Variants in RYK observed in about 807,000 individuals in gnomAD.
The protein encoded by RYK is receptor like tyrosine kinase, also known as inactive tyrosine-protein kinase RYK.
RYK carries 21 observed loss-of-function variants against 70.2 expected under a neutral mutation model. The ratio of observed to expected loss-of-function variants is 0.30; its 90% confidence interval spans 0.21 to 0.43. RYK has a LOEUF of 0.43. Ranked by LOEUF, RYK falls within the 20% of genes least tolerant of loss-of-function variation. RYK has a pLI of 1.00. For synonymous variants in RYK, 267 were observed against 278.0 expected, an observed-to-expected ratio of 0.96 and a Z score of 0.39; for missense variants, 604 against 753.3, an observed-to-expected ratio of 0.80 and a Z score of 2.32.
chr3:134,197,320 A>G (rs569658617), intron 6 of RYK, among the ~76,000 whole-genome samples: 3 of 152,340 alleles, frequency 2.0e-5, no homozygotes, highest in Admixed American at 6.5e-5. Context: ...CAGAACTGCC[A>G]GTATCATCGA....
chr3:134,178,069 G>C lies in RYK; in HGVS notation c.1177C>G (p.Leu393Val), dbSNP rs765210207. 6.4e-7 allele frequency: 1 copy of C among 1,560,440 alleles called. No individual in the cohort carries two copies. Among genetic ancestry groups the C allele is most frequent in the Non-Finnish European group, 8.7e-7 (1 of 1,154,644 alleles). ...CKLRGLHHRN[L>V]LPITHVCIEE... ...ATACACACATGAGTAATAGGAAGAA[G>C]ATTTCTATAAAATAATAAAAAATTG... The change falls in exon 11 of 15, where the codon CTT becomes GTT. Residue 393 changes from leucine to valine, a missense_variant. Leu to Val is a conservative substitution (Grantham distance 32). Around this residue, in one of 2 missense-constraint regions of RYK, gnomAD observed 466 missense variants for 535.9 expected, o/e 0.87. Coordinates refer to ENST00000623711, the MANE Select transcript of RYK (RefSeq NM_002958.4).
chr3:134,245,188 G>A (rs1326422282), intron 1 of RYK, among the ~76,000 whole-genome samples: 2 of 152,124 alleles, frequency 1.3e-5, no homozygotes, highest in African/African-American at 2.4e-5. Context: ...ACAAAAGACA[G>A]CACTTTTAAA....
chr3:134,228,072 T>C (rs2014957377), intron 1 of RYK, among the ~76,000 whole-genome samples: 1 of 152,216 alleles, frequency 6.6e-6, no homozygotes, highest in Non-Finnish European at 1.5e-5. Flanking sequence ...GAGGATCACT[T>C]AGGCCCAGAA....
intron 13 of RYK, among the ~76,000 whole-genome samples, chr3:134,165,895 G>A (rs528991397): frequency 6.6e-6 from 1 of 152,294 alleles, no homozygotes; most frequent in South Asian, 2.1e-4. Flanking sequence ...GAGCTAGAGA[G>A]GAATTTGCCT....
At chr3:134,212,131 A>G (rs553177465) in intron 2 of RYK, among the ~76,000 whole-genome samples, 1 of 152,268 alleles carries the variant, frequency 6.6e-6, no homozygotes, top group South Asian at 2.1e-4. Context: ...TGCTCTCACC[A>G]AAAAGAAAGT....
At chr3:134,230,682 G>A (rs1408435992) in intron 1 of RYK, among the ~76,000 whole-genome samples, 1 of 152,206 alleles carries the variant, frequency 6.6e-6, no homozygotes, top group Non-Finnish European at 1.5e-5. Context: ...GGAAACTGTT[G>A]AATTTATTAC....
At chr3:134,223,629 CAG>C (rs1035230031) in intron 1 of RYK, among the ~76,000 whole-genome samples, 13 of 150,336 alleles carry the variant, frequency 8.6e-5, no homozygotes, top group African/African-American at 2.9e-4. Flanking sequence ...AAAAATCACA[CAG>C]AGGATTTCTC....
intron 5 of RYK, among the ~76,000 whole-genome samples, chr3:134,205,307 T>TAAGAAATAAGAAAATAA (rs2014182970): frequency 2.0e-5 from 3 of 152,168 alleles, no homozygotes; most frequent in Non-Finnish European, 4.4e-5. Flanking sequence ...CAAAAACACA[T>TAAGAAATAAGAAAATAA]GGAAATAAGA....
chr3:134,158,728 T>C (rs1559996208), intron 14 of RYK, among the ~76,000 whole-genome samples: 1 of 152,306 alleles, frequency 6.6e-6, no homozygotes, highest in East Asian at 1.9e-4. Context: ...TCACCCTGCA[T>C]AGCCTCCTGT....
chr3:134,193,405 G>A (rs1036564370), intron 7 of RYK, among the ~76,000 whole-genome samples: 1 of 152,126 alleles, frequency 6.6e-6, no homozygotes, highest in Admixed American at 6.6e-5. Context: ...GGATGGTCTT[G>A]ATCTCCTGAC....
intron 4 of RYK, among the ~76,000 whole-genome samples, chr3:134,208,419 A>G (rs2014281415): frequency 6.6e-6 from 1 of 152,242 alleles, no homozygotes; most frequent in African/African-American, 2.4e-5. Context: ...TATATCAAAT[A>G]TATAATGACT....
chr3:134,175,926 C>G lies in RYK; in HGVS notation c.1415+4G>C. The stretch of plus-strand genomic sequence containing the variant: ...AGTGACAGCGTCAAGCTCATGGCAC[C>G]TACACACAGTTCCTGGCAGCCAGGT... On this transcript the variant is annotated splice_donor_region_variant and intron_variant, in intron 12 of 14. Coordinates refer to ENST00000623711, the MANE Select transcript of RYK (RefSeq NM_002958.4). 1.2e-6 allele frequency: 2 copies of G among 1,600,148 alleles called. No individual in the cohort carries two copies. Among genetic ancestry groups the G allele is most frequent in the Non-Finnish European group, 1.7e-6 (2 of 1,170,522 alleles).
intron 6 of RYK, among the ~76,000 whole-genome samples, chr3:134,199,108 G>A (rs1233042544): frequency 1.3e-5 from 2 of 152,204 alleles, no homozygotes; most frequent in African/African-American, 4.8e-5. Flanking sequence ...GACTCATCAG[G>A]CGTAACAAAG....
chr3:134,169,545 G>A (rs1206762742), intron 13 of RYK, among the ~76,000 whole-genome samples: 1 of 152,146 alleles, frequency 6.6e-6, no homozygotes, highest in Non-Finnish European at 1.5e-5. Flanking sequence ...ATCTTGATGT[G>A]CATAGTTCTT....
chr3:134,175,493 A>T (rs1414275939), intron 13 of RYK, 116 bp downstream of exon 13: 1 of 1,261,802 alleles, frequency 7.9e-7, no homozygotes, highest in African/African-American at 1.5e-5. Context: ...CTGGATAAAA[A>T]TTTCCGGGAA....
chr3:134,224,581 G>C (rs1417366427), intron 1 of RYK, among the ~76,000 whole-genome samples: 1 of 152,180 alleles, frequency 6.6e-6, no homozygotes, highest in Non-Finnish European at 1.5e-5. Context: ...TGGTGGAGCA[G>C]AGTCTTCTCT....
intron 1 of RYK, among the ~76,000 whole-genome samples, chr3:134,232,824 G>T (rs542116662): frequency 1.3e-5 from 2 of 152,310 alleles, no homozygotes; most frequent in South Asian, 4.1e-4. Flanking sequence ...TAACAAGTGG[G>T]TTCACATATT....
Position 134,158,236 on chromosome 3 carries a change from A to T in RYK, c.1741T>A (p.Leu581Ile). ...AACTTGGGCCTCTCCTCTGGATCTA[A>T]GGCCCAGCAACAGGCCATCACAGCA... ...LFAVMACCWA[L>I]DPEERPKFQQ... Residue 581 changes from leucine (L) to isoleucine (I), a missense_variant, in exon 15 of 15, where the codon TTA becomes ATA. Coordinates refer to ENST00000623711, the MANE Select transcript of RYK (RefSeq NM_002958.4). The T allele has an allele frequency of 6.4e-7, 1 of 1,571,906 alleles. No individual in the cohort carries two copies. The highest frequency in any genetic ancestry group is 8.6e-7 in the Non-Finnish European group (1 of 1,157,214).
At chr3:134,182,531 G>C (rs577136999) in intron 10 of RYK, among the ~76,000 whole-genome samples, 87 of 152,084 alleles carry the variant, frequency 5.7e-4, no homozygotes, top group African/African-American at 2.0e-3. Context: ...TATGTCTCTA[G>C]ATACAGATGG....
Sources: allele counts gnomAD v4.1 joint callset (sites outside exome capture counted in the v4.1 genomes callset), GRCh38; gene constraint gnomAD v4.1.1; regional missense constraint gnomAD v4.1.1; transcripts MANE v1.5; gene names NCBI Gene and HGNC (gene_info 2026-07-23, HGNC 2026-07-21).